The following TMEM243 variants were observed in gnomAD, a reference collection of about 807,000 sequenced individuals.
TMEM243 encodes the protein transmembrane protein 243, also known as MDR1 and mitochondrial taxol resistance associated.
A neutral mutation model predicts 15.0 loss-of-function variants in TMEM243; 20 were observed. The ratio of observed to expected loss-of-function variants is 1.33; its 90% CI spans 0.94 to 1.93. TMEM243 has a LOEUF of 1.93. TMEM243 is among the 30% of genes most tolerant of loss of function. The pLI is 0.00. For synonymous variants in TMEM243, 72 were observed against 52.7 expected (o/e 1.37, Z -1.59); for missense variants, 156 against 142.1 (o/e 1.10, Z -0.50).
At chr7:87,212,620 A>C (rs1483967442) in intron 1 of TMEM243, among the ~76,000 whole-genome samples, 1 of 152,184 alleles carries the variant, frequency 6.6e-6, no homozygotes, top group African/African-American at 2.4e-5. Context: ...AAAAAGAGAA[A>C]AATGATTTTA....
At position 87,219,295 on chromosome 7, in the gene TMEM243, T is replaced by C. The variant is rs964297985; in HGVS notation, c.78+131A>G. On this transcript the variant is annotated intron_variant, in intron 1 of 3. Coordinates refer to ENST00000257637, the MANE Select transcript of TMEM243 (RefSeq NM_024315.4). ...CCGGGCAAACATCTTGAGAGGGAAGTGGGATTGCAGAACCAGCTTCCTCCC... is the reference window on the plus strand; with the variant it reads ...CCGGGCAAACATCTTGAGAGGGAAGCGGGATTGCAGAACCAGCTTCCTCCC... 8 of 798,378 alleles carry C rather than the reference T, an allele frequency of 1.0e-5. No individual in the cohort carries two copies. In the African/African-American group the frequency reaches 1.2e-4, roughly 12 times the overall value. The allele number at this position is 798,378 out of a possible 1,614,324, so 49.5% of individuals were successfully genotyped here.
intron 1 of TMEM243, among the ~76,000 whole-genome samples, chr7:87,215,017 T>C (rs1235443674): frequency 6.6e-6 from 1 of 152,206 alleles, no homozygotes; most frequent in Non-Finnish European, 1.5e-5. Flanking sequence ...TTGGAGCATT[T>C]CGGATTTTGG....
At chr7:87,212,224 G>A (rs908558779) in intron 1 of TMEM243, among the ~76,000 whole-genome samples, 1 of 152,180 alleles carries the variant, frequency 6.6e-6, no homozygotes, top group Non-Finnish European at 1.5e-5. Context: ...CCATGTCTAA[G>A]GGGGAATCTT....
rs78877784 is a variant in TMEM243 at position 87,211,476 on chromosome 7, G to A, written c.78+7950C>T. Reference sequence around the variant, plus strand: ...CCTACAATTTTGCCTCCAAAGTTCTGCATTTCTCAAGCAAACTTAAGGGTC... The same window carrying A: ...CCTACAATTTTGCCTCCAAAGTTCTACATTTCTCAAGCAAACTTAAGGGTC... On this transcript the variant is annotated intron_variant, in intron 1 of 3. Coordinates refer to ENST00000257637, the MANE Select transcript of TMEM243 (RefSeq NM_024315.4). Among the ~76,000 whole-genome samples, 493 of 152,256 alleles carry A rather than the reference G, an allele frequency of 3.2e-3. 5 individuals carry two copies. The East Asian group carries it at 0.05, about 15-fold the overall frequency.
intron 1 of TMEM243, among the ~76,000 whole-genome samples, chr7:87,216,391 A>AACCG (rs1281430999): frequency 3.9e-5 from 6 of 152,176 alleles, no homozygotes; most frequent in Non-Finnish European, 8.8e-5. Context: ...GACTGCAGTG[A>AACCG]ACCGTGGTCA....
intron 1 of TMEM243, 53 bp downstream of exon 1, chr7:87,219,373 G>C: frequency 6.4e-7 from 1 of 1,565,460 alleles, no homozygotes; most frequent in Non-Finnish European, 8.8e-7. Flanking sequence ...CCGCCAGAGG[G>C]CAGGCAGCAG....
chr7:87,219,382 A>G (rs201668689), intron 1 of TMEM243, 44 bp downstream of exon 1: 70 of 1,590,520 alleles, frequency 4.4e-5, no homozygotes, highest in Non-Finnish European at 6.9e-6. Context: ...GGCAGGCAGC[A>G]GACACACCCC....
chr7:87,217,210 A>T (rs971521983), intron 1 of TMEM243, among the ~76,000 whole-genome samples: 4 of 152,214 alleles, frequency 2.6e-5, no homozygotes, highest in African/African-American at 9.6e-5. Context: ...CTGGGCTTTT[A>T]TTCTTTCTCG....
intron 1 of TMEM243, among the ~76,000 whole-genome samples, chr7:87,201,595 G>A (rs1301746367): frequency 6.6e-6 from 1 of 152,186 alleles, no homozygotes; most frequent in African/African-American, 2.4e-5. Flanking sequence ...TAATTAAATA[G>A]CTAGTTAATT....
chr7:87,220,517 G>GGATCACCTCCC (rs1803457806), upstream of TMEM243: 1 of 152,274 alleles, frequency 6.6e-6, no homozygotes, highest in Non-Finnish European at 1.5e-5. Flanking sequence ...GCAGCGCTGC[G>GGATCACCTCCC]GATCACCTCC....
chr7:87,209,589 TGAGACAGTGAGA>T (rs1249601709), intron 1 of TMEM243, among the ~76,000 whole-genome samples: 1 of 104,788 alleles, frequency 9.5e-6, no homozygotes, highest in Non-Finnish European at 2.0e-5. Context: ...AGAGAGACAG[TGAGACAGTGAGA>T]GAGAGAGAGA....
intron 3 of TMEM243, 29 bp from the exon 4 acceptor site, chr7:87,196,787 A>C (rs1289976399): frequency 4.1e-6 from 6 of 1,449,842 alleles, no homozygotes. Flanking sequence ...TTTATAAATT[A>C]AAATTTGAAA....
At chr7:87,206,203 G>T (rs528906894) in intron 1 of TMEM243, among the ~76,000 whole-genome samples, 1 of 151,844 alleles carries the variant, frequency 6.6e-6, no homozygotes, top group Non-Finnish European at 1.5e-5. Context: ...CCCACAACAC[G>T]TGGGAATTAT....
At chr7:87,204,790 A>C (rs2129226864) in intron 1 of TMEM243, among the ~76,000 whole-genome samples, 1 of 152,316 alleles carries the variant, frequency 6.6e-6, no homozygotes, top group South Asian at 2.1e-4. Flanking sequence ...TGAATCTACC[A>C]TTCTGGCATC....
chr7:87,212,716 C>T (rs554329997), intron 1 of TMEM243, among the ~76,000 whole-genome samples: 2 of 152,266 alleles, frequency 1.3e-5, no homozygotes, highest in East Asian at 3.9e-4. Flanking sequence ...CTACTGTGAG[C>T]TCAGAATGTC....
chr7:87,209,687 C>T (rs28808918), intron 1 of TMEM243, among the ~76,000 whole-genome samples: 14,807 of 80,072 alleles, frequency 0.18, 3,424 homozygotes, highest in African/African-American at 0.29. Context: ...CGAGACACAG[C>T]GAGAGAGCGA....
chr7:87,218,385 T>C (rs1399190712), intron 1 of TMEM243, among the ~76,000 whole-genome samples: 1 of 152,182 alleles, frequency 6.6e-6, no homozygotes, highest in Non-Finnish European at 1.5e-5. Context: ...CACGTGGAGT[T>C]TAAAAAATAA....
rs147715334 is a variant in TMEM243, at chr7:87,208,184, T to C, written c.79-9127A>G. Reference sequence around the variant, plus strand: ...CAGCAGTCCCTAAAGTCTTAACTTATTTCAGCATTAACTCAAAAGTCCACA... The same window carrying C: ...CAGCAGTCCCTAAAGTCTTAACTTACTTCAGCATTAACTCAAAAGTCCACA... On this transcript the variant is annotated intron_variant, in intron 1 of 3. Coordinates refer to ENST00000257637, the MANE Select transcript of TMEM243 (RefSeq NM_024315.4). Among the ~76,000 whole-genome samples the C allele has an allele frequency of 4.7e-4, 71 of 152,362 alleles. No individual in the cohort carries two copies. The East Asian group carries it at 0.013, about 29-fold the overall frequency.
intron 2 of TMEM243, 84 bp downstream of exon 2, chr7:87,198,923 C>CT (rs1383115756): frequency 2.1e-5 from 27 of 1,257,190 alleles, no homozygotes; most frequent in Admixed American, 2.1e-4. Context: ...ACTTATTTAG[C>CT]TTTTTTTGGA....
Sources: gnomAD v4.1 joint callset for allele counts (sites outside exome capture counted in the v4.1 genomes callset) on GRCh38, gnomAD v4.1.1 for gene constraint, MANE v1.5 for transcripts, NCBI Gene and HGNC (gene_info 2026-07-23, HGNC 2026-07-21) for gene names.